Variants in PTPN13 observed in about 807,000 individuals in gnomAD.
The protein encoded by PTPN13 is protein tyrosine phosphatase non-receptor type 13, also known as tyrosine-protein phosphatase non-receptor type 13.
A neutral mutation model predicts 284.0 loss-of-function variants in PTPN13; 191 were observed. The observed-to-expected ratio is 0.67, with a 90% CI of 0.60 to 0.76. The LOEUF (loss-of-function observed/expected upper bound fraction) is 0.76. Ranked by LOEUF, PTPN13 falls within the 30% of genes least tolerant of loss-of-function variation. PTPN13 has a pLI of 0.00. For synonymous variants in PTPN13, 986 were observed against 1,022.3 expected (o/e 0.96, Z 0.68); for missense variants, 2,797 against 2,939.9 (o/e 0.95, Z 1.12).
chr4:86,668,124 A>C (rs1218905805), intron 2 of PTPN13, among the ~76,000 whole-genome samples: 2 of 152,210 alleles, frequency 1.3e-5, no homozygotes, highest in Non-Finnish European at 2.9e-5. Flanking sequence ...TGTTGGTAAA[A>C]TCTATAAATA....
rs758235474 is a variant in PTPN13 at position 86,689,111 on chromosome 4, A to T, written c.467A>T (p.His156Leu). ...ACTGTGCTGGATGCTTGCAGTGCCC[A>T]CATTAGGAATAGCAATTGTGCACCC... ...VRTVLDACSA[H>L]IRNSNCAPSF... Residue 156 changes from histidine to leucine, a missense_variant, in exon 5 of 48, where the codon CAC becomes CTC. Physicochemically the swap from His to Leu is moderately conservative, Grantham distance 99 (BLOSUM62 -3). Coordinates refer to ENST00000411767, the MANE Select transcript of PTPN13 (RefSeq NM_080683.3). 4 of 1,613,072 alleles carry T rather than the reference A, an allele frequency of 2.5e-6. No individual in the cohort carries two copies. The highest frequency in any genetic ancestry group is 2.5e-6 in the Non-Finnish European group (3 of 1,179,046).
At chr4:86,655,358 A>G (rs1449491037) in intron 2 of PTPN13, among the ~76,000 whole-genome samples, 2 of 151,762 alleles carry the variant, frequency 1.3e-5, no homozygotes, top group Non-Finnish European at 2.9e-5. Flanking sequence ...ACAATTTGGC[A>G]TGTTTTTGCA....
In PTPN13 at chr4:86,751,025, A is replaced by G. The variant is rs774319410; in HGVS notation, c.3069-2A>G. 1 of 1,600,132 alleles carries G rather than the reference A, an allele frequency of 6.2e-7. No homozygotes were observed. Among genetic ancestry groups the G allele is most frequent in the Admixed American group, 1.7e-5 (1 of 59,628 alleles). ...CCTCCTACCTTCCTTTTCCCTCTTC[A>G]GTTCAAAGTCTGTTGCGAGTTTAAA... On this transcript the variant is annotated splice_acceptor_variant, in intron 18 of 47. Transcript: ENST00000411767. LOFTEE classifies it high-confidence loss of function.
chr4:86,712,225 A>C (rs1732493703), intron 7 of PTPN13, among the ~76,000 whole-genome samples: 1 of 152,012 alleles, frequency 6.6e-6, no homozygotes, highest in Non-Finnish European at 1.5e-5. Context: ...TCTAAAAAGA[A>C]AAATAGTTAG....
Position 86,616,234 on chromosome 4 carries a change from C to T in PTPN13, c.-5-19018C>T, listed in dbSNP as rs542196968. Among the ~76,000 whole-genome samples, 5 of 152,196 alleles carry T rather than the reference C, an allele frequency of 3.3e-5. No homozygotes were observed. The South Asian group carries it at 1.0e-3, about 32-fold the overall frequency. Reference sequence around the variant, plus strand: ...CAAATACATTCAATAAAGATTAATTCTATAATATAAAGTGTTATAAATGTC... The same window carrying T: ...CAAATACATTCAATAAAGATTAATTTTATAATATAAAGTGTTATAAATGTC... On this transcript the variant is annotated intron_variant, in intron 1 of 47. Transcript: ENST00000411767.
At chr4:86,776,049 A>G (rs1221835702) in intron 35 of PTPN13, among the ~76,000 whole-genome samples, 1 of 152,156 alleles carries the variant, frequency 6.6e-6, no homozygotes, top group East Asian at 1.9e-4. Flanking sequence ...AGATTCAAGC[A>G]GATCTCCTGC....
At chr4:86,717,374 A>G (rs1733154632) in intron 9 of PTPN13, among the ~76,000 whole-genome samples, 1 of 151,992 alleles carries the variant, frequency 6.6e-6, no homozygotes, top group African/African-American at 2.4e-5. Context: ...TTTTTAGTAG[A>G]GATGGGGTTT....
In PTPN13 at chr4:86,779,063, T is replaced by TA. The variant is rs58996030; in HGVS notation, c.5892-1322dup. ...TGGACAAACCTTGAAAATGTTTCTT[T>TA]AAAAAAAAAAAAAAAAAGATGACAA... On this transcript the variant is annotated intron_variant, in intron 35 of 47. Transcript: ENST00000411767. Among the ~76,000 whole-genome samples the TA allele has an allele frequency of 8.4e-3, 1,110 of 132,406 alleles. 10 individuals are homozygous for TA. The highest frequency in any genetic ancestry group is 0.019 in the African/African-American group (671 of 36,052). 86.9% of individuals were successfully genotyped at this position (132,406 alleles called of 152,430 possible).
chr4:86,625,427 T>C (rs1380063704), intron 1 of PTPN13, among the ~76,000 whole-genome samples: 1 of 152,134 alleles, frequency 6.6e-6, no homozygotes, highest in East Asian at 1.9e-4. Context: ...AAAATCTTCC[T>C]TTCTGGTCTA....
At chr4:86,796,729 T>G in intron 40 of PTPN13, 145 bp from the exon 41 acceptor site, 1 of 569,238 alleles carries the variant, frequency 1.8e-6, no homozygotes, top group Non-Finnish European at 3.1e-6. Context: ...CTGTTTGGAG[T>G]GTATTAATTG....
intron 40 of PTPN13, among the ~76,000 whole-genome samples, chr4:86,786,806 C>T (rs1741966576): frequency 1.3e-5 from 2 of 151,982 alleles, no homozygotes; most frequent in African/African-American, 4.8e-5. Context: ...ATTGCCATTT[C>T]AGAAATGTGA....
At chr4:86,684,121 T>G (rs1729191999) in intron 3 of PTPN13, among the ~76,000 whole-genome samples, 1 of 151,706 alleles carries the variant, frequency 6.6e-6, no homozygotes, top group Admixed American at 6.6e-5. Flanking sequence ...AAAAGCTGTT[T>G]CCCTCAAGGA....
At chr4:86,650,694 A>G (rs1419157962) in intron 2 of PTPN13, among the ~76,000 whole-genome samples, 4 of 152,138 alleles carry the variant, frequency 2.6e-5, no homozygotes, top group Non-Finnish European at 5.9e-5. Flanking sequence ...TGTAAATGGA[A>G]TTACTTTCTT....
intron 1 of PTPN13, among the ~76,000 whole-genome samples, chr4:86,619,710 A>G (rs1056855569): frequency 2.0e-5 from 3 of 152,080 alleles, no homozygotes; most frequent in Admixed American, 2.0e-4. Context: ...TTCTGCAGCT[A>G]AATTTCAGAA....
At chr4:86,796,836 C>T (rs1233515719) in intron 40 of PTPN13, 38 bp from the exon 41 acceptor site, 17 of 1,326,042 alleles carry the variant, frequency 1.3e-5, no homozygotes, top group Non-Finnish European at 1.8e-5. Context: ...TTTTTTGTTA[C>T]AATGGGCTGA....
At chr4:86,707,056 A>G (rs1731851459) in intron 7 of PTPN13, among the ~76,000 whole-genome samples, 1 of 152,136 alleles carries the variant, frequency 6.6e-6, no homozygotes, top group Non-Finnish European at 1.5e-5. Flanking sequence ...ATTACCATAC[A>G]CGCCCTATCC....
At chr4:86,719,262 GGAT>G (rs1733377909) in intron 9 of PTPN13, among the ~76,000 whole-genome samples, 2 of 152,268 alleles carry the variant, frequency 1.3e-5, no homozygotes, top group African/African-American at 4.8e-5. Context: ...AGTTTGCTAA[GGAT>G]AATAGCCTCC....
At chr4:86,618,357 G>A (rs113646107) in intron 1 of PTPN13, among the ~76,000 whole-genome samples, 25,374 of 152,090 alleles carry the variant, frequency 0.17, 2,428 homozygotes, top group East Asian at 0.29. Context: ...AAGTCAGGTA[G>A]CGTGATGCCT....
chr4:86,772,914 C>A lies in PTPN13; in HGVS notation c.5305C>A (p.Pro1769Thr). ...ACCAACTAGACAAGAAAACTGGACACCTTTGAAAAATGACTTGGAAAATCA... is the reference window on the plus strand; with the variant it reads ...ACCAACTAGACAAGAAAACTGGACAACTTTGAAAAATGACTTGGAAAATCA... ...SEPTRQENWT[P>T]LKNDLENHLE... Residue 1769 changes from proline (P) to threonine (T), a missense_variant, in exon 32 of 48, where the codon CCT becomes ACT. Physicochemically the swap from Pro to Thr is conservative, Grantham distance 38. Coordinates refer to ENST00000411767, the MANE Select transcript of PTPN13 (RefSeq NM_080683.3). 1 of 1,607,668 alleles carries A rather than the reference C, an allele frequency of 6.2e-7. No homozygotes were observed. The highest frequency in any genetic ancestry group is 8.5e-7 in the Non-Finnish European group (1 of 1,177,314).
Sources: gnomAD v4.1 joint callset for allele counts (sites outside exome capture counted in the v4.1 genomes callset) on GRCh38, gnomAD v4.1.1 for gene constraint, MANE v1.5 for transcripts, NCBI Gene and HGNC (gene_info 2026-07-23, HGNC 2026-07-21) for gene names.